Variants in ATP10B observed in about 807,000 individuals in gnomAD.
ATP10B encodes the protein phospholipid-transporting ATPase VB.
A neutral mutation model predicts 141.2 loss-of-function variants in ATP10B; 122 were observed. That is an observed-to-expected ratio of 0.86 (90% CI 0.75 to 1.00). The LOEUF (loss-of-function observed/expected upper bound fraction) is 1.00. ATP10B is among the 50% of genes least tolerant of loss of function. The pLI is 0.00. For missense variants in ATP10B, 1,876 were observed against 1,825.3 expected (o/e 1.03, Z -0.51); for synonymous variants, 685 against 692.0 (o/e 0.99, Z 0.16).
chr5:160,685,276 C>A, intron 6 of ATP10B: 2 of 569,648 alleles, frequency 3.5e-6, no homozygotes, highest in East Asian at 2.9e-5. Flanking sequence ...CTTTTACTTG[C>A]CTTCTTTGCT....
At chr5:160,681,004 A>T (rs564493614) in intron 6 of ATP10B, among the ~76,000 whole-genome samples, 1 of 152,182 alleles carries the variant, frequency 6.6e-6, no homozygotes, top group Non-Finnish European at 1.5e-5. Context: ...TTAAGATGAC[A>T]CTGAGGAGGG....
the ATP10B span, among the ~76,000 whole-genome samples, chr5:160,876,245 T>A: frequency 1.8e-5 from 1 of 57,000 alleles, no homozygotes; most frequent in Admixed American, 1.7e-4. Flanking sequence ...TCAAAACCAC[T>A]CAACTACATG....
chr5:160,806,032 C>A (rs34835372), intron 1 of ATP10B, among the ~76,000 whole-genome samples: 18,892 of 152,044 alleles, frequency 0.12, 1,239 homozygotes, highest in African/African-American at 0.14. Flanking sequence ...AGGCATCAGG[C>A]AGAGAGAGTG....
the ATP10B span, among the ~76,000 whole-genome samples, chr5:160,890,089 C>T: frequency 3.3e-5 from 5 of 152,294 alleles, no homozygotes; most frequent in South Asian, 1.0e-3. Context: ...CCTTAATTTG[C>T]ATTCTTATTA....
the ATP10B span, among the ~76,000 whole-genome samples, chr5:160,902,831 G>A: frequency 3.3e-5 from 5 of 152,198 alleles, no homozygotes; most frequent in East Asian, 9.6e-4. Context: ...TGATTAGTAA[G>A]TGATAGAGAA....
chr5:160,680,854 G>A (rs994410988), intron 6 of ATP10B, among the ~76,000 whole-genome samples: 1 of 152,148 alleles, frequency 6.6e-6, no homozygotes, highest in African/African-American at 2.4e-5. Context: ...GGAGGCTCTA[G>A]GGAGTAGTAA....
chr5:160,885,189 A>C, the ATP10B span, among the ~76,000 whole-genome samples: 1 of 152,272 alleles, frequency 6.6e-6, no homozygotes, highest in African/African-American at 2.4e-5. Flanking sequence ...TGAATGAATA[A>C]GTAAACAGAG....
At chr5:160,732,813 TTTC>T (rs944519694) in intron 2 of ATP10B, among the ~76,000 whole-genome samples, 1 of 152,102 alleles carries the variant, frequency 6.6e-6, no homozygotes, top group African/African-American at 2.4e-5. Flanking sequence ...TTTTTGGATT[TTTC>T]TTTCTATTTC....
At chr5:160,766,049 A>G (rs1769381593) in intron 2 of ATP10B, among the ~76,000 whole-genome samples, 1 of 152,140 alleles carries the variant, frequency 6.6e-6, no homozygotes. Context: ...TAAAAATAAA[A>G]AAAATAGATG....
In ATP10B at chr5:160,670,592, C is replaced by T. The variant is rs373455928; in HGVS notation, c.546G>A (p.Glu182=). The T allele has an allele frequency of 3.7e-6, 6 of 1,613,824 alleles. No homozygotes were observed. The African/African-American group carries it at 5.3e-5, about 14-fold the overall frequency. The stretch of plus-strand genomic sequence containing the variant: ...GGAGGAGTATGTCTGCTGGGACAAT[C>T]TCATTGCATTTCATTTGGATGAAGT... ...VGDFIQMKCN[E]IVPADILLLF... The change falls in exon 7 of 26, where the codon GAG becomes GAA. Residue 182 remains glutamate (E), a synonymous_variant. Transcript: ENST00000327245.
intron 1 of ATP10B, among the ~76,000 whole-genome samples, chr5:160,790,374 G>A (rs1771480440): frequency 6.6e-6 from 1 of 152,144 alleles, no homozygotes; most frequent in Non-Finnish European, 1.5e-5. Context: ...AGGAAAGTTA[G>A]AGAGAAACCC....
At chr5:160,691,977 T>A (rs1441053678) in intron 3 of ATP10B, 3 of 152,206 alleles carry the variant, frequency 2.0e-5, no homozygotes, top group African/African-American at 4.8e-5. Context: ...GAAAAGGAAA[T>A]GAAAAGATAA....
In ATP10B at chr5:160,599,564, A is replaced by C. The variant is rs912289718; in HGVS notation, c.3364-594T>G. On this transcript the variant is annotated intron_variant, in intron 21 of 25. Transcript: ENST00000327245. ...GAATGGCAGTGGAGTGGTAATAGAAAGGGATGTCACTGACAAAGGGGTAAT... is the reference window on the plus strand; with the variant it reads ...GAATGGCAGTGGAGTGGTAATAGAACGGGATGTCACTGACAAAGGGGTAAT... Among the ~76,000 whole-genome samples the C allele has an allele frequency of 7.2e-5, 11 of 152,230 alleles. 1 individual carries two copies. Among genetic ancestry groups the C allele is most frequent in the Non-Finnish European group, 1.5e-4 (10 of 68,048 alleles).
the ATP10B span, among the ~76,000 whole-genome samples, chr5:160,888,261 C>A: frequency 1.0e-3 from 153 of 152,192 alleles, no homozygotes; most frequent in East Asian, 7.1e-3. Context: ...AATTAATGAG[C>A]TTTGGGAAAA....
At chr5:160,784,172 C>T (rs1241643724) in intron 2 of ATP10B, among the ~76,000 whole-genome samples, 1 of 152,064 alleles carries the variant, frequency 6.6e-6, no homozygotes, top group African/African-American at 2.4e-5. Context: ...CTATAAATGA[C>T]CAAATATAAG....
At chr5:160,645,954 G>T (rs1291158493) in intron 8 of ATP10B, among the ~76,000 whole-genome samples, 1 of 152,168 alleles carries the variant, frequency 6.6e-6, no homozygotes, top group Non-Finnish European at 1.5e-5. Context: ...GCCCCAGAGT[G>T]CTATACTGCC....
the ATP10B span, among the ~76,000 whole-genome samples, chr5:160,914,105 A>G: frequency 1.3e-5 from 2 of 152,220 alleles, no homozygotes; most frequent in African/African-American, 4.8e-5. Flanking sequence ...TGTCACTTCA[A>G]TGTATATGTC....
chr5:160,577,190 G>A (rs1454800424), intron 24 of ATP10B, among the ~76,000 whole-genome samples: 2 of 152,148 alleles, frequency 1.3e-5, no homozygotes, highest in Admixed American at 6.6e-5. Context: ...ACATCTTAAG[G>A]TTGGCAGCCA....
intron 18 of ATP10B, among the ~76,000 whole-genome samples, chr5:160,611,323 G>A (rs919903906): frequency 6.6e-6 from 1 of 152,140 alleles, no homozygotes; most frequent in East Asian, 1.9e-4. Flanking sequence ...TCTCCCTCTG[G>A]CTGGCTGCCT....
Sources: gnomAD v4.1 joint callset for allele counts (sites outside exome capture counted in the v4.1 genomes callset) on GRCh38, gnomAD v4.1.1 for gene constraint, MANE v1.5 for transcripts, NCBI Gene and HGNC (gene_info 2026-07-23, HGNC 2026-07-21) for gene names.